Variants in DLG2 observed in about 807,000 individuals in gnomAD.
DLG2 encodes the protein discs large MAGUK scaffold protein 2, also known as disks large homolog 2.
A neutral mutation model predicts 132.5 loss-of-function variants in DLG2; 45 were observed. The observed-to-expected ratio is 0.34, with a 90% CI of 0.27 to 0.44. DLG2 has a LOEUF of 0.44. Ranked by LOEUF, DLG2 falls within the 20% of genes least tolerant of loss-of-function variation. The probability of loss-of-function intolerance (pLI) is 1.00; values close to 1 mark genes in which losing one functional copy is unlikely to be tolerated. For synonymous variants in DLG2, 424 were observed against 419.6 expected, an observed-to-expected ratio of 1.01 and a Z score of -0.13; for missense variants, 1,045 against 1,196.9, an observed-to-expected ratio of 0.87 and a Z score of 1.87.
chr11:84,558,763 C>T lies in DLG2; in HGVS notation c.358-24032G>A, dbSNP rs1592327609. ...CCAAATTCCGTTCAGATGTGTATAA[C>T]TCATAGTTCACATTTCCATGACTTG... On this transcript the variant is annotated intron_variant, in intron 6 of 27. Coordinates refer to ENST00000376104, the MANE Select transcript of DLG2 (RefSeq NM_001142699.3). Among the ~76,000 whole-genome samples, 6 of 152,298 alleles carry T rather than the reference C, an allele frequency of 3.9e-5. No individual in the cohort carries two copies. In the South Asian group the frequency reaches 1.2e-3, roughly 32 times the overall value.
chr11:83,635,933 C>T (rs2064720725), intron 18 of DLG2, among the ~76,000 whole-genome samples: 1 of 152,128 alleles, frequency 6.6e-6, no homozygotes, highest in Non-Finnish European at 1.5e-5. Flanking sequence ...CCTCTAATAG[C>T]ATTTCCCAGA....
chr11:84,050,563 T>C (rs555661634), intron 11 of DLG2, among the ~76,000 whole-genome samples: 3 of 152,172 alleles, frequency 2.0e-5, no homozygotes, highest in Non-Finnish European at 4.4e-5. Flanking sequence ...TTGCCATTGC[T>C]TTTGGTGGTT....
chr11:84,306,134 C>T (rs1028535286), intron 7 of DLG2, among the ~76,000 whole-genome samples: 2 of 149,646 alleles, frequency 1.3e-5, no homozygotes, highest in Non-Finnish European at 3.0e-5. Flanking sequence ...AGATTTCACA[C>T]GTTTTTTTCA....
intron 19 of DLG2, among the ~76,000 whole-genome samples, chr11:83,543,784 T>G (rs762626516): frequency 6.6e-6 from 1 of 152,264 alleles, no homozygotes; most frequent in Non-Finnish European, 1.5e-5. Context: ...TACAAATCTT[T>G]TCTATAGATT....
At chr11:83,875,486 T>C in intron 15 of DLG2, among the ~76,000 whole-genome samples, 1 of 152,134 alleles carries the variant, frequency 6.6e-6, no homozygotes, top group Non-Finnish European at 1.5e-5. Context: ...CTAGAGTCAT[T>C]TTAAATTCTT....
At chr11:83,491,773 C>T (rs1007763407) in intron 21 of DLG2, among the ~76,000 whole-genome samples, 2 of 151,800 alleles carry the variant, frequency 1.3e-5, no homozygotes, top group Non-Finnish European at 2.9e-5. Context: ...AAATAGAGAC[C>T]TTCTCTTCTC....
chr11:85,262,895 A>G (rs2077017833), intron 4 of DLG2, among the ~76,000 whole-genome samples: 3 of 152,170 alleles, frequency 2.0e-5, no homozygotes, highest in African/African-American at 7.2e-5. Flanking sequence ...GTTACATGAG[A>G]AAATTAGACA....
At chr11:84,827,286 G>A (rs2078445676) in intron 6 of DLG2, among the ~76,000 whole-genome samples, 1 of 151,398 alleles carries the variant, frequency 6.6e-6, no homozygotes, top group Non-Finnish European at 1.5e-5. Flanking sequence ...GGGCTAGATA[G>A]GACAGTGATT....
At chr11:84,121,541 A>ATTTTTTTTTTTT (rs869183421) in intron 9 of DLG2, among the ~76,000 whole-genome samples, 27 of 66,688 alleles carry the variant, frequency 4.0e-4, no homozygotes, top group Non-Finnish European at 5.9e-4. Context: ...TTCCTTGCTA[A>ATTTTTTTTTTTT]TTTTTTTTTT....
At chr11:83,943,353 G>T (rs1454415310) in intron 14 of DLG2, among the ~76,000 whole-genome samples, 1 of 150,806 alleles carries the variant, frequency 6.6e-6, no homozygotes, top group East Asian at 2.0e-4. Context: ...TTTCAATTCA[G>T]CCCCAAAGAT....
intron 18 of DLG2, among the ~76,000 whole-genome samples, chr11:83,666,514 GAGATGGAAT>G (rs1162123119): frequency 2.0e-5 from 3 of 152,156 alleles, no homozygotes; most frequent in Non-Finnish European, 2.9e-5. Flanking sequence ...CTGATGATCT[GAGATGGAAT>G]AGTTTAATCC....
chr11:84,735,245 T>G (rs962486787), intron 6 of DLG2, among the ~76,000 whole-genome samples: 3 of 152,180 alleles, frequency 2.0e-5, no homozygotes, highest in African/African-American at 7.2e-5. Context: ...CTGGTAGAAT[T>G]TGGCTGTGAA....
intron 7 of DLG2, among the ~76,000 whole-genome samples, chr11:84,345,061 A>C (rs1316757373): frequency 6.6e-6 from 1 of 152,256 alleles, no homozygotes; most frequent in Non-Finnish European, 1.5e-5. Context: ...ACCAGAGCTC[A>C]CTTTGGCTGA....
chr11:84,167,334 A>G (rs1466804705), intron 8 of DLG2, among the ~76,000 whole-genome samples: 5 of 152,188 alleles, frequency 3.3e-5, no homozygotes, highest in Non-Finnish European at 5.9e-5. Context: ...GCCAACTCAA[A>G]TTTAAACTTG....
intron 6 of DLG2, among the ~76,000 whole-genome samples, chr11:85,068,427 T>C (rs1214661042): frequency 1.3e-5 from 2 of 152,136 alleles, no homozygotes; most frequent in South Asian, 4.1e-4. Flanking sequence ...AAAATCTCCT[T>C]AAGCTGATAG....
intron 18 of DLG2, among the ~76,000 whole-genome samples, chr11:83,691,835 T>A (rs759933521): frequency 9.0e-5 from 12 of 133,004 alleles, no homozygotes; most frequent in Non-Finnish European, 1.4e-4. Context: ...CTGGACGGTA[T>A]CCAGAAGACC....
intron 6 of DLG2, among the ~76,000 whole-genome samples, chr11:84,933,695 T>C (rs996970518): frequency 6.6e-6 from 1 of 152,198 alleles, no homozygotes; most frequent in Non-Finnish European, 1.5e-5. Flanking sequence ...TGCCAGTGAT[T>C]TTTGCACATT....
intron 18 of DLG2, among the ~76,000 whole-genome samples, chr11:83,650,574 T>C (rs2069911677): frequency 6.6e-6 from 1 of 152,154 alleles, no homozygotes; most frequent in Non-Finnish European, 1.5e-5. Context: ...GCCACTAAAT[T>C]TGTAGTAATT....
intron 3 of DLG2, among the ~76,000 whole-genome samples, chr11:85,354,470 C>A (rs2152887608): frequency 6.6e-6 from 1 of 152,200 alleles, no homozygotes; most frequent in East Asian, 1.9e-4. Context: ...GTCATTATTT[C>A]CTTCCCCTTG....
Sources: gnomAD v4.1 joint callset for allele counts (sites outside exome capture counted in the v4.1 genomes callset) on GRCh38, gnomAD v4.1.1 for gene constraint, MANE v1.5 for transcripts, NCBI Gene and HGNC (gene_info 2026-07-23, HGNC 2026-07-21) for gene names.